Variants in GALNT18 observed in about 807,000 individuals in gnomAD.
GALNT18 encodes the protein polypeptide N-acetylgalactosaminyltransferase 18, also known as GalNAc-transferase 18.
Under a neutral mutation model 69.5 loss-of-function variants are expected in GALNT18, and 44 were observed. The ratio of observed to expected loss-of-function variants is 0.63; its 90% CI spans 0.50 to 0.81. GALNT18 has a LOEUF of 0.81. GALNT18 is among the 40% of genes least tolerant of loss of function. The pLI, the probability that GALNT18 is intolerant of heterozygous loss-of-function variation, is 0.00. For missense variants in GALNT18, 715 were observed against 810.0 expected (o/e 0.88, Z 1.42); for synonymous variants, 364 against 318.2 (o/e 1.14, Z -1.53).
chr11:11,471,446 G>T (rs927717879), intron 1 of GALNT18, among the ~76,000 whole-genome samples: 3 of 152,176 alleles, frequency 2.0e-5, no homozygotes, highest in African/African-American at 7.2e-5. Context: ...GTGGCATCAT[G>T]ATAGGTAGGT....
At position 11,539,511 on chromosome 11, in the gene GALNT18, T is replaced by A. The variant is rs995984829; in HGVS notation, c.235+81848A>T. On this transcript the variant is annotated intron_variant, in intron 1 of 10. Coordinates refer to ENST00000227756, the MANE Select transcript of GALNT18 (RefSeq NM_198516.3). ...AGGAAAACCACAGGCAAGGCAACTA[T>A]AGACACGAGCCAAACCCAGGAGGAG... 2.0e-5 allele frequency among the ~76,000 whole-genome samples: 3 copies of A among 152,200 alleles called. No homozygotes were observed. The East Asian group carries it at 5.8e-4, about 29-fold the overall frequency.
chr11:11,273,710 G>C (rs1364792456), intron 10 of GALNT18, among the ~76,000 whole-genome samples: 1 of 152,036 alleles, frequency 6.6e-6, no homozygotes, highest in Non-Finnish European at 1.5e-5. Context: ...CCAAAAGAAA[G>C]GAAACCAGCA....
Position 11,614,736 on chromosome 11 carries a change from G to A in GALNT18, c.235+6623C>T, listed in dbSNP as rs2133969475. On this transcript the variant is annotated intron_variant, in intron 1 of 10. Coordinates refer to ENST00000227756, the MANE Select transcript of GALNT18 (RefSeq NM_198516.3). The surrounding 1 kb of genome is among the most constrained non-coding windows in gnomAD (Gnocchi z 5.6). ...CCAAGTGACTAAAGCTGAACTTCAA[G>A]GCCCTCATAAATGACAAAACCAGAC... Among the ~76,000 whole-genome samples, 1 of 152,282 alleles carries A rather than the reference G, an allele frequency of 6.6e-6. No homozygotes were observed. The highest frequency in any genetic ancestry group is 1.9e-4 in the East Asian group (1 of 5,176).
chr11:11,454,989 T>C lies in GALNT18; in HGVS notation c.236-6053A>G, dbSNP rs1855894573. Among the ~76,000 whole-genome samples, 1 of 152,176 alleles carries C rather than the reference T, an allele frequency of 6.6e-6. No homozygotes were observed. The highest frequency in any genetic ancestry group is 2.4e-5 in the African/African-American group (1 of 41,450). ...GCTGACTCCTTCCTCATTGTTGACA[T>C]TGAAATTCTCCCTGAGGGAACCAGC... On this transcript the variant is annotated intron_variant, in intron 1 of 10. Transcript: ENST00000227756. The surrounding 1 kb of genome is among the most constrained non-coding windows in gnomAD (Gnocchi z 4.2).
intron 3 of GALNT18, among the ~76,000 whole-genome samples, chr11:11,397,984 C>T (rs1311729154): frequency 1.3e-5 from 2 of 152,140 alleles, no homozygotes; most frequent in African/African-American, 2.4e-5. Context: ...GACTAATGTG[C>T]AATTTGAAGG....
Position 11,598,240 on chromosome 11 carries a change from A to T in GALNT18, c.235+23119T>A, listed in dbSNP as rs1859548541. ...TAATCTATAACAAATTATAACTGTA[A>T]TCTATAACAAATTATTATAAACCCA... On this transcript the variant is annotated intron_variant, in intron 1 of 10. Coordinates refer to ENST00000227756, the MANE Select transcript of GALNT18 (RefSeq NM_198516.3). The surrounding 1 kb of genome is among the most constrained non-coding windows in gnomAD (Gnocchi z 4.8). Among the ~76,000 whole-genome samples, 1 of 150,718 alleles carries T rather than the reference A, an allele frequency of 6.6e-6. No individual in the cohort carries two copies. The highest frequency in any genetic ancestry group is 1.9e-4 in the East Asian group (1 of 5,204).
chr11:11,326,193 C>T (rs1376426635), intron 9 of GALNT18, among the ~76,000 whole-genome samples: 7 of 151,918 alleles, frequency 4.6e-5, no homozygotes, highest in Middle Eastern at 3.2e-3. Flanking sequence ...TACAGGCGCC[C>T]GCCACCACAC....
intron 1 of GALNT18, among the ~76,000 whole-genome samples, chr11:11,464,834 T>C (rs1856121175): frequency 6.6e-6 from 1 of 152,150 alleles, no homozygotes; most frequent in Admixed American, 6.5e-5. Context: ...TGTTGAAAAT[T>C]GGGGATAATC....
intron 1 of GALNT18, among the ~76,000 whole-genome samples, chr11:11,514,642 T>C (rs921416260): frequency 1.1e-4 from 16 of 152,146 alleles, no homozygotes; most frequent in African/African-American, 3.9e-4. Flanking sequence ...AAACCATCAG[T>C]AGTTCAAATA....
rs1859952984 is a variant in GALNT18, at chr11:11,613,084, A to G, written c.235+8275T>C. On this transcript the variant is annotated intron_variant, in intron 1 of 10. Transcript: ENST00000227756. The surrounding 1 kb of genome is among the most constrained non-coding windows in gnomAD (Gnocchi z 4.2). ...CAAAAACTGAAATTGAATGTCAGGC[A>G]GTGAAAGAGAACTACATCTCAGTAC... 6.6e-6 allele frequency among the ~76,000 whole-genome samples: 1 copy of G among 152,240 alleles called. No individual in the cohort carries two copies. Among genetic ancestry groups the G allele is most frequent in the South Asian group, 2.1e-4 (1 of 4,830 alleles).
Position 11,469,193 on chromosome 11 carries a change from G to A in GALNT18, c.236-20257C>T, listed in dbSNP as rs373960018. On this transcript the variant is annotated intron_variant, in intron 1 of 10. Transcript: ENST00000227756. This position sits in a 1 kb window ranked among gnomAD's most constrained non-coding sequence, Gnocchi z 4.2. ...TCTGAGTTGCTATAAACATAAAGAA[G>A]CCCGTCTGCTTTCTTGCCTCTGTGA... Among the ~76,000 whole-genome samples, 1 of 152,160 alleles carries A rather than the reference G, an allele frequency of 6.6e-6. No homozygotes were observed. The highest frequency in any genetic ancestry group is 1.5e-5 in the Non-Finnish European group (1 of 68,026).
intron 10 of GALNT18, 91 bp from the exon 11 acceptor site, chr11:11,271,381 A>C (rs976754198): frequency 1.5e-6 from 2 of 1,359,136 alleles, no homozygotes; most frequent in South Asian, 2.5e-5. Context: ...GTGAGGGCTG[A>C]CATTATCTGT....
rs1850522575 is a variant in GALNT18, at chr11:11,356,014, T to A, written c.1093-15010A>T. ...CTTGTGTGCAGGGGTAATTTCTGGATACCAAACTTTATAGAAAAACTTGTG... is the reference window on the plus strand; with the variant it reads ...CTTGTGTGCAGGGGTAATTTCTGGAAACCAAACTTTATAGAAAAACTTGTG... On this transcript the variant is annotated intron_variant, in intron 6 of 10. Transcript: ENST00000227756. This position sits in a 1 kb window ranked among gnomAD's most constrained non-coding sequence, Gnocchi z 4.4. Among the ~76,000 whole-genome samples the A allele has an allele frequency of 6.6e-6, 1 of 152,238 alleles. No individual in the cohort carries two copies. Among genetic ancestry groups the A allele is most frequent in the Admixed American group, 6.5e-5 (1 of 15,284 alleles).
In GALNT18 at chr11:11,598,216, AATCT is replaced by A. The variant is rs1431950400; in HGVS notation, c.235+23139_235+23142del. 6.7e-6 allele frequency among the ~76,000 whole-genome samples: 1 copy of A among 148,460 alleles called. No homozygotes were observed. On this transcript the variant is annotated intron_variant, in intron 1 of 10. Coordinates refer to ENST00000227756, the MANE Select transcript of GALNT18 (RefSeq NM_198516.3). The surrounding 1 kb of genome is among the most constrained non-coding windows in gnomAD (Gnocchi z 4.8). The stretch of plus-strand genomic sequence containing the variant: ...ATAATAAATTACTATAATCTATAAT[AATCT>A]ATAACAAATTATAACTGTAATCTAT...
intron 1 of GALNT18, among the ~76,000 whole-genome samples, chr11:11,530,612 G>C (rs2133941498): frequency 6.6e-6 from 1 of 152,322 alleles, no homozygotes; most frequent in African/African-American, 2.4e-5. Context: ...GAGTTCTCCA[G>C]ACCTCCCAGA....
chr11:11,539,412 C>A (rs1364558127), intron 1 of GALNT18, among the ~76,000 whole-genome samples: 3 of 152,234 alleles, frequency 2.0e-5, no homozygotes, highest in African/African-American at 7.2e-5. Context: ...GAAGAGTGAG[C>A]AGGTCGCTTT....
At chr11:11,321,543 C>A (rs1298277849) in intron 9 of GALNT18, among the ~76,000 whole-genome samples, 1 of 152,232 alleles carries the variant, frequency 6.6e-6, no homozygotes, top group East Asian at 1.9e-4. Flanking sequence ...CCTTTCCTAA[C>A]TCCCTTACAT....
rs183252919 is a variant in GALNT18, at chr11:11,299,875, C to T, written c.1513-6682G>A. 1.1e-4 allele frequency among the ~76,000 whole-genome samples: 17 copies of T among 152,316 alleles called. No individual in the cohort carries two copies. In the East Asian group the frequency reaches 3.3e-3, roughly 29 times the overall value. ...AATGGTTTGGAGATTCCTTAAAGAA[C>T]TAAAAGTGGAACTACAATTTATGTA... On this transcript the variant is annotated intron_variant, in intron 9 of 10. Transcript: ENST00000227756.
chr11:11,290,618 C>T (rs1316095468), intron 10 of GALNT18, among the ~76,000 whole-genome samples: 1 of 152,194 alleles, frequency 6.6e-6, no homozygotes, highest in African/African-American at 2.4e-5. Context: ...CCCTGGAATG[C>T]CCTTCACTCC....
Sources: gnomAD v4.1 joint callset for allele counts (sites outside exome capture counted in the v4.1 genomes callset) on GRCh38, gnomAD v4.1.1 for gene constraint, Gnocchi (gnomAD v3.1) non-coding constraint, MANE v1.5 for transcripts, NCBI Gene and HGNC (gene_info 2026-07-23, HGNC 2026-07-21) for gene names.